The following CTNNA2 variants were observed in gnomAD, a reference collection of about 807,000 sequenced individuals.
CTNNA2 encodes catenin alpha-2.
CTNNA2 carries 42 observed loss-of-function variants against 101.0 expected under a neutral mutation model. The ratio of observed to expected loss-of-function variants is 0.42; its 90% CI spans 0.32 to 0.54. The LOEUF (loss-of-function observed/expected upper bound fraction) is 0.54, where lower values mean the gene tolerates loss of function less well. CTNNA2 is among the 20% of genes least tolerant of loss of function. The pLI is 0.14. For synonymous variants in CTNNA2, 450 were observed against 456.4 expected (o/e 0.99, Z 0.18); for missense variants, 871 against 1,223.1 (o/e 0.71, Z 4.29).
intron 1 of CTNNA2, among the ~76,000 whole-genome samples, chr2:79,574,568 G>T (rs1393183642): frequency 6.6e-6 from 1 of 152,136 alleles, no homozygotes; most frequent in Non-Finnish European, 1.5e-5. Context: ...TTATGGCTGT[G>T]TAGTATTACG....
intron 2 of CTNNA2, among the ~76,000 whole-genome samples, chr2:79,668,206 G>A (rs183569214): frequency 0.011 from 1,428 of 128,686 alleles, 22 homozygotes; most frequent in African/African-American, 0.039. Context: ...CGCCACTGCA[G>A]TCCGCAGTCC....
intron 2 of CTNNA2, among the ~76,000 whole-genome samples, chr2:79,734,040 C>A (rs987954603): frequency 6.6e-6 from 1 of 152,038 alleles, no homozygotes; most frequent in Non-Finnish European, 1.5e-5. Context: ...TTGTTTTAAC[C>A]TTAGTAAATG....
intron 7 of CTNNA2, among the ~76,000 whole-genome samples, chr2:80,211,552 C>T (rs926932373): frequency 2.6e-5 from 4 of 152,076 alleles, no homozygotes; most frequent in Admixed American, 1.3e-4. Context: ...TTTATGAGGG[C>T]TCTATTCTGT....
At chr2:79,466,873 CT>C (rs1670942754) in intron 4 of CTNNA2, among the ~76,000 whole-genome samples, 3 of 152,338 alleles carry the variant, frequency 2.0e-5, no homozygotes, top group African/African-American at 7.2e-5. Context: ...AAAACCCCAT[CT>C]GTACGACACC....
At chr2:80,329,900 T>C (rs1287985880) in intron 7 of CTNNA2, among the ~76,000 whole-genome samples, 1 of 152,236 alleles carries the variant, frequency 6.6e-6, no homozygotes, top group Non-Finnish European at 1.5e-5. Context: ...AATCTTCTTG[T>C]TAAAGCTGAG....
At chr2:79,504,416 A>G (rs1294263264) in intron 4 of CTNNA2, among the ~76,000 whole-genome samples, 1 of 152,042 alleles carries the variant, frequency 6.6e-6, no homozygotes, top group Non-Finnish European at 1.5e-5. Context: ...TAGCTTCCCA[A>G]GTAGCTGGGA....
At chr2:79,927,148 T>C (rs1190744331) in intron 7 of CTNNA2, among the ~76,000 whole-genome samples, 1 of 152,130 alleles carries the variant, frequency 6.6e-6, no homozygotes, top group African/African-American at 2.4e-5. Context: ...AGAAAAAATA[T>C]GTTTGCAAAG....
chr2:79,832,565 C>A (rs1172683214), intron 3 of CTNNA2, among the ~76,000 whole-genome samples: 1 of 152,084 alleles, frequency 6.6e-6, no homozygotes, highest in African/African-American at 2.4e-5. Context: ...CAGTTTCTGG[C>A]CATTATCTTT....
intron 7 of CTNNA2, among the ~76,000 whole-genome samples, chr2:80,300,284 GT>G (rs879846991): frequency 0.098 from 1,182 of 12,070 alleles, 4 homozygotes; most frequent in African/African-American, 0.2. Context: ...GTGTTGGGGT[GT>G]GTGTGTGTGT....
chr2:79,681,553 A>G (rs1267727130), intron 2 of CTNNA2, among the ~76,000 whole-genome samples: 1 of 152,230 alleles, frequency 6.6e-6, no homozygotes, highest in Admixed American at 6.5e-5. Flanking sequence ...GAACATGGCT[A>G]TTTGATCAAT....
chr2:79,909,891 A>G, intron 7 of CTNNA2, 94 bp downstream of exon 7: 2 of 1,271,818 alleles, frequency 1.6e-6, no homozygotes, highest in Non-Finnish European at 2.1e-6. Context: ...AAAAGAGAAC[A>G]GACCAGGTGT....
chr2:80,463,983 C>T (rs191598229), intron 9 of CTNNA2, among the ~76,000 whole-genome samples: 6 of 152,272 alleles, frequency 3.9e-5, no homozygotes, highest in Admixed American at 3.3e-4. Flanking sequence ...TCTTCTGCCT[C>T]TTCCTTTATC....
intron 1 of CTNNA2, among the ~76,000 whole-genome samples, chr2:79,608,030 A>T (rs1343604960): frequency 6.6e-6 from 1 of 151,914 alleles, no homozygotes; most frequent in Non-Finnish European, 1.5e-5. Flanking sequence ...CCAGACTTAG[A>T]GGGGGGCGAA....
chr2:80,212,628 T>C (rs1707973400), intron 7 of CTNNA2, among the ~76,000 whole-genome samples: 1 of 152,250 alleles, frequency 6.6e-6, no homozygotes, highest in South Asian at 2.1e-4. Flanking sequence ...GCCAGTATTT[T>C]ATTGAGGATT....
At chr2:79,790,021 C>T (rs1377666382) in intron 3 of CTNNA2, among the ~76,000 whole-genome samples, 2 of 152,018 alleles carry the variant, frequency 1.3e-5, no homozygotes, top group Non-Finnish European at 2.9e-5. Context: ...AAGAAAAAGG[C>T]CAAGAAAGAG....
rs751111280 is a variant in CTNNA2, at chr2:79,195,886, G to A, written c.-523-2073G>A. 1.4e-5 allele frequency: 7 copies of A among 498,928 alleles called. No individual in the cohort carries two copies. The Admixed American group carries it at 1.4e-4, about 10-fold the overall frequency. 30.9% of individuals were successfully genotyped at this position (498,928 alleles called of 1,614,324 possible). On this transcript the variant is annotated intron_variant, in intron 1 of 21. Coordinates refer to the CTNNA2 transcript ENST00000466387. ...AATATAAAAGGTAAATAAGAAATTA[G>A]GGGGCAGAGGTGCAGAGGTAGGGTG...
At chr2:80,222,787 A>T (rs1182963533) in intron 7 of CTNNA2, among the ~76,000 whole-genome samples, 1 of 152,218 alleles carries the variant, frequency 6.6e-6, no homozygotes, top group East Asian at 1.9e-4. Context: ...TATAATCTCA[A>T]ATCCCACCAA....
intron 4 of CTNNA2, among the ~76,000 whole-genome samples, chr2:79,458,731 A>G (rs1308591888): frequency 6.6e-6 from 1 of 152,156 alleles, no homozygotes; most frequent in East Asian, 1.9e-4. Context: ...TTTGGTTATA[A>G]CCTTACCCAT....
chr2:79,363,532 T>C (rs1197764294), intron 3 of CTNNA2, among the ~76,000 whole-genome samples: 1 of 149,774 alleles, frequency 6.7e-6, no homozygotes, highest in Non-Finnish European at 1.5e-5. Context: ...ATTTATTACA[T>C]TTAACTTTAT....
Sources: gnomAD v4.1 joint callset for allele counts (sites outside exome capture counted in the v4.1 genomes callset) on GRCh38, gnomAD v4.1.1 for gene constraint, MANE v1.5 for transcripts, NCBI Gene and HGNC (gene_info 2026-07-23, HGNC 2026-07-21) for gene names.